Variants in PKHD1 observed in about 807,000 individuals in gnomAD.
The protein encoded by PKHD1 is fibrocystin.
A neutral mutation model predicts 412.0 loss-of-function variants in PKHD1; 291 were observed. The ratio of observed to expected loss-of-function variants is 0.71; its 90% CI spans 0.64 to 0.78. The LOEUF is 0.78. Among genes scored for constraint, PKHD1 ranks in the 30% least tolerant of loss-of-function variants. PKHD1 has a pLI of 0.00. For synonymous variants in PKHD1, 1,777 were observed against 1,821.5 expected (o/e 0.98, Z 0.62); for missense variants, 4,825 against 4,950.7 (o/e 0.97, Z 0.76).
chr6:52,046,662 G>T (rs1805892728), intron 23 of PKHD1, among the ~76,000 whole-genome samples: 1 of 152,196 alleles, frequency 6.6e-6, no homozygotes, highest in Non-Finnish European at 1.5e-5. Flanking sequence ...AGGAATGTTG[G>T]CATTTAACTT....
At chr6:51,831,609 C>G (rs1378626482) in intron 51 of PKHD1, among the ~76,000 whole-genome samples, 6 of 152,052 alleles carry the variant, frequency 3.9e-5, no homozygotes, top group African/African-American at 1.4e-4. Flanking sequence ...CTCAATAACC[C>G]TGATTATCTT....
intron 37 of PKHD1, among the ~76,000 whole-genome samples, chr6:51,925,853 T>C (rs1291339481): frequency 6.6e-6 from 1 of 151,974 alleles, no homozygotes; most frequent in Non-Finnish European, 1.5e-5. Context: ...AAATGGCTTA[T>C]GACTCAAATG....
At chr6:51,865,856 A>T (rs1479562565) in intron 48 of PKHD1, among the ~76,000 whole-genome samples, 1 of 152,194 alleles carries the variant, frequency 6.6e-6, no homozygotes, top group African/African-American at 2.4e-5. Context: ...GTTCCTAATG[A>T]GGTTATAATG....
intron 36 of PKHD1, among the ~76,000 whole-genome samples, chr6:51,950,220 A>AATATATATATATAT (rs1333126139): frequency 2.2e-4 from 22 of 98,230 alleles, no homozygotes; most frequent in East Asian, 5.4e-4. Context: ...GAAAAAAAAA[A>AATATATATATATAT]ATATATATAT....
intron 36 of PKHD1, among the ~76,000 whole-genome samples, chr6:51,951,345 C>G (rs945549188): frequency 6.6e-6 from 1 of 151,806 alleles, no homozygotes; most frequent in South Asian, 2.1e-4. Flanking sequence ...AAAAAAAAAT[C>G]GTCTTTTTCC....
intron 36 of PKHD1, 111 bp from the exon 37 acceptor site, chr6:51,934,433 G>T: frequency 1.3e-6 from 1 of 750,124 alleles, no homozygotes; most frequent in Non-Finnish European, 2.4e-6. Context: ...CTGGAATGTA[G>T]ACTTATTTTA....
At chr6:52,069,724 G>A (rs893112033) in intron 10 of PKHD1, among the ~76,000 whole-genome samples, 197 bp from the exon 11 acceptor site, 10 of 152,138 alleles carry the variant, frequency 6.6e-5, no homozygotes, top group African/African-American at 2.4e-4. Context: ...ATTATCATAT[G>A]GGAATAATGC....
intron 59 of PKHD1, among the ~76,000 whole-genome samples, chr6:51,745,382 T>C (rs1434734868): frequency 1.3e-5 from 2 of 152,044 alleles, no homozygotes; most frequent in African/African-American, 4.8e-5. Flanking sequence ...ATGAAGAGAG[T>C]ACTCTCTTGC....
At chr6:51,708,419 A>C (rs556376799) in intron 60 of PKHD1, among the ~76,000 whole-genome samples, 1 of 152,334 alleles carries the variant, frequency 6.6e-6, no homozygotes. Context: ...TATTCTCTGC[A>C]ACACAGTCAG....
At chr6:51,759,131 T>C (rs1343709675) in intron 55 of PKHD1, among the ~76,000 whole-genome samples, 1 of 152,212 alleles carries the variant, frequency 6.6e-6, no homozygotes, top group Non-Finnish European at 1.5e-5. Context: ...TAAAATGTAA[T>C]GAGGATTCTC....
chr6:51,962,354 T>C (rs1561997307), intron 35 of PKHD1, among the ~76,000 whole-genome samples: 1 of 152,138 alleles, frequency 6.6e-6, no homozygotes, highest in Non-Finnish European at 1.5e-5. Context: ...CATGGTGTTA[T>C]CCATTAATTA....
chr6:51,967,520 C>T (rs1236728863), intron 35 of PKHD1, among the ~76,000 whole-genome samples: 4 of 152,172 alleles, frequency 2.6e-5, no homozygotes, highest in African/African-American at 4.8e-5. Flanking sequence ...CAAACAAAAA[C>T]ATCTTAGTGA....
At chr6:51,652,492 G>A (rs1436716508) in intron 61 of PKHD1, among the ~76,000 whole-genome samples, 2 of 151,940 alleles carry the variant, frequency 1.3e-5, no homozygotes, top group African/African-American at 2.4e-5. Flanking sequence ...CTACTAAGCC[G>A]AGTTCCTATA....
chr6:52,027,806 A>G, intron 31 of PKHD1, 23 bp downstream of exon 31: 1 of 1,544,714 alleles, frequency 6.5e-7, no homozygotes, highest in Non-Finnish European at 9.0e-7. Flanking sequence ...ATAATTGATA[A>G]CAGTCACATA....
chr6:51,838,459 C>T (rs527916337), intron 50 of PKHD1, among the ~76,000 whole-genome samples: 5 of 152,294 alleles, frequency 3.3e-5, no homozygotes, highest in South Asian at 4.1e-4. Context: ...GGAGAACTCC[C>T]TACCAAAACA....
At chr6:51,990,676 C>T (rs1047909262) in intron 35 of PKHD1, among the ~76,000 whole-genome samples, 3 of 152,110 alleles carry the variant, frequency 2.0e-5, no homozygotes, top group Admixed American at 2.0e-4. Context: ...GAGATTTTAT[C>T]AAAAGTTTTT....
rs1445384906 is a variant in PKHD1 at position 51,616,838 on chromosome 6, G to A, written c.*2243C>T. The A allele has an allele frequency of 5.1e-6, 2 of 393,724 alleles. No homozygotes were observed. The highest frequency in any genetic ancestry group is 4.1e-5 in the African/African-American group (2 of 48,466). The allele number at this position is 393,724 out of a possible 1,614,324, so 24.4% of individuals were successfully genotyped here. On this transcript the variant is annotated 3_prime_UTR_variant, in exon 67 of 67. Coordinates refer to ENST00000371117, the MANE Select transcript of PKHD1 (RefSeq NM_138694.4). ...AAAAATTGGAAGAAGGGTAAAGAAG[G>A]GGCAGAAATAACAGAGCTGGCAGCT...
intron 35 of PKHD1, among the ~76,000 whole-genome samples, chr6:51,983,971 G>A (rs528416355): frequency 1.3e-5 from 2 of 152,284 alleles, no homozygotes; most frequent in African/African-American, 4.8e-5. Context: ...ACTCTTTCTA[G>A]TCACACTGTT....
chr6:51,644,869 G>A (rs1036358918), intron 63 of PKHD1, among the ~76,000 whole-genome samples: 4 of 152,040 alleles, frequency 2.6e-5, no homozygotes, highest in Non-Finnish European at 4.4e-5. Flanking sequence ...TAGTAGAGAC[G>A]GGGTTTTACC....
Sources: gnomAD v4.1 joint callset for allele counts (sites outside exome capture counted in the v4.1 genomes callset) on GRCh38, gnomAD v4.1.1 for gene constraint, MANE v1.5 for transcripts, NCBI Gene and HGNC (gene_info 2026-07-23, HGNC 2026-07-21) for gene names.